Variants in SMARCD3 observed in about 807,000 individuals in gnomAD.
SMARCD3 encodes the protein SWI/SNF related BAF chromatin remodeling complex subunit D3.
SMARCD3 carries 14 observed loss-of-function variants against 58.0 expected under a neutral mutation model. The observed-to-expected ratio is 0.24, with a 90% CI of 0.16 to 0.38. SMARCD3 has a LOEUF of 0.38. SMARCD3 is among the 10% of genes least tolerant of loss of function. SMARCD3 has a pLI of 1.00. For missense variants in SMARCD3, 408 were observed against 636.9 expected, an observed-to-expected ratio of 0.64 and a Z score of 3.87; for synonymous variants, 253 against 253.8, an observed-to-expected ratio of 1.00 and a Z score of 0.03.
chr7:151,248,408 C>T lies in SMARCD3; in HGVS notation c.78+77G>A. On this transcript the variant is annotated intron_variant, in intron 1 of 12. Transcript: ENST00000262188. The surrounding 1 kb of genome is among the most constrained non-coding windows in gnomAD (Gnocchi z 6.1). ...GGGGTGGGAGAGCGGGAGCGCCCTCCCGGCCCCTCCCGATCAGCCCTCCAT... is the reference window on the plus strand; with the variant it reads ...GGGGTGGGAGAGCGGGAGCGCCCTCTCGGCCCCTCCCGATCAGCCCTCCAT... 3 of 1,289,366 alleles carry T rather than the reference C, an allele frequency of 2.3e-6. No individual in the cohort carries two copies. The highest frequency in any genetic ancestry group is 3.3e-6 in the Non-Finnish European group (3 of 896,808). The allele number at this position is 1,289,366 out of a possible 1,614,324, so 79.9% of individuals were successfully genotyped here. A position where few individuals can be genotyped will look rare whatever the true frequency, so the allele number is the denominator to read the frequency against.
rs2150593222 is a variant in SMARCD3 at position 151,243,584 on chromosome 7, C to T, written c.333+75G>A. Reference sequence around the variant, plus strand: ...AAGTGACTGTGATGCTGAAGCTCTGCTTCTGAGGGGGGAGGGGAGGGCGGA... The same window carrying T: ...AAGTGACTGTGATGCTGAAGCTCTGTTTCTGAGGGGGGAGGGGAGGGCGGA... On this transcript the variant is annotated intron_variant, in intron 3 of 12. Coordinates refer to ENST00000262188, the MANE Select transcript of SMARCD3 (RefSeq NM_001003801.2). The surrounding 1 kb of genome is among the most constrained non-coding windows in gnomAD (Gnocchi z 4.4). 1.2e-6 allele frequency: 1 copy of T among 835,066 alleles called. No homozygotes were observed. The highest frequency in any genetic ancestry group is 2.5e-5 in the East Asian group (1 of 40,512). 51.7% of individuals were successfully genotyped at this position (835,066 alleles called of 1,614,324 possible).
chr7:151,244,906 G>A (rs1224356972), intron 2 of SMARCD3, among the ~76,000 whole-genome samples: 2 of 152,124 alleles, frequency 1.3e-5, no homozygotes, highest in African/African-American at 2.4e-5. Context: ...GGTGGCTTGA[G>A]AGCAGACCTG....
Position 151,242,872 on chromosome 7 carries a change from A to G in SMARCD3, c.334-29T>C. On this transcript the variant is annotated intron_variant, in intron 3 of 12. Transcript: ENST00000262188. The surrounding 1 kb of genome is among the most constrained non-coding windows in gnomAD (Gnocchi z 4.7). ...GAGAAGGAGGAGCAGGGCAGGAGTC[A>G]GAGGCTCAAGTCCAGGGTTGTACCA... 1.2e-6 allele frequency: 2 copies of G among 1,613,228 alleles called. No individual in the cohort carries two copies. Among genetic ancestry groups the G allele is most frequent in the African/African-American group, 1.3e-5 (1 of 75,028 alleles).
chr7:151,239,272 G>T lies in SMARCD3; in HGVS notation c.1399-116C>A, dbSNP rs1340259607. ...GCATCTGGGAGCAGGGAGGGCCATT[G>T]CATGGTGAGGCAGCGTGGTGAAGCT... On this transcript the variant is annotated intron_variant, in intron 12 of 12. Transcript: ENST00000262188. The surrounding 1 kb of genome is among the most constrained non-coding windows in gnomAD (Gnocchi z 7.0). 2 of 1,323,704 alleles carry T rather than the reference G, an allele frequency of 1.5e-6. No homozygotes were observed. Among genetic ancestry groups the T allele is most frequent in the East Asian group, 2.3e-5 (1 of 43,286 alleles). The allele number at this position is 1,323,704 out of a possible 1,614,324, so 82.0% of individuals were successfully genotyped here. A position where few individuals can be genotyped will look rare whatever the true frequency, so the allele number is the denominator to read the frequency against.
intron 2 of SMARCD3, among the ~76,000 whole-genome samples, chr7:151,244,813 G>A (rs1234591024): frequency 1.3e-5 from 2 of 152,198 alleles, no homozygotes; most frequent in East Asian, 3.8e-4. Flanking sequence ...AAACCCGGAG[G>A]GGCACTGCTG....
At chr7:151,259,556 C>T (rs189476143) in intron 2 of SMARCD3, among the ~76,000 whole-genome samples, 150 of 146,842 alleles carry the variant, frequency 1.0e-3, no homozygotes, top group Middle Eastern at 3.5e-3. Flanking sequence ...CGTTCAGGAT[C>T]TTCAGCACGG....
At chr7:151,253,615 G>A (rs932007973), upstream of SMARCD3, among the ~76,000 whole-genome samples, 10 of 82 alleles carry the variant, frequency 0.12, no homozygotes, top group Admixed American at 0.44. Flanking sequence ...TGAGCATCCC[G>A]CTGGCCACAG....
intron 2 of SMARCD3, among the ~76,000 whole-genome samples, chr7:151,274,173 A>G (rs1400155803): frequency 6.6e-6 from 1 of 152,158 alleles, no homozygotes; most frequent in Non-Finnish European, 1.5e-5. Context: ...GGCCCTGAGG[A>G]CAGGGACTGG....
chr7:151,245,613 G>T lies in SMARCD3; in HGVS notation c.137C>A (p.Pro46Gln). 1 of 1,172,602 alleles carries T rather than the reference G, an allele frequency of 8.5e-7. No individual in the cohort carries two copies. Among genetic ancestry groups the T allele is most frequent in the Non-Finnish European group, 1.1e-6 (1 of 934,592 alleles). The allele number at this position is 1,172,602 out of a possible 1,614,324, so 72.6% of individuals were successfully genotyped here. The change falls in exon 2 of 13, where the codon CCG (proline) becomes CAG (glutamine). Residue 46 changes from proline (P) to glutamine (Q), a missense_variant. Physicochemically the swap from Pro to Gln is moderately conservative, Grantham distance 76 (BLOSUM62 -1). Transcript: ENST00000262188. The surrounding 1 kb of genome is among the most constrained non-coding windows in gnomAD (Gnocchi z 6.2). ...MPHQGAPMGP[P>Q]GSPYMGSPAV... ...GGGGCTGCCCATGTACGGGGAGCCC[G>T]GGGGGCCCATGGGCGCCCCCTGGTG...
At chr7:151,265,552 C>T (rs897105822) in intron 2 of SMARCD3, among the ~76,000 whole-genome samples, 11 of 152,350 alleles carry the variant, frequency 7.2e-5, no homozygotes, top group African/African-American at 1.4e-4. Flanking sequence ...GCGGTCATCA[C>T]GAGACCTGCC....
In SMARCD3 at chr7:151,242,072, G is replaced by C. The variant is rs1803019049; in HGVS notation, c.675+65C>G. On this transcript the variant is annotated intron_variant, in intron 6 of 12. Transcript: ENST00000262188. The surrounding 1 kb of genome is among the most constrained non-coding windows in gnomAD (Gnocchi z 4.7). ...TGGTCCCTGACCCAAATCTGTGCTGGTTCTTCAGGGATTCTGGCCTGTGGG... is the reference window on the plus strand; with the variant it reads ...TGGTCCCTGACCCAAATCTGTGCTGCTTCTTCAGGGATTCTGGCCTGTGGG... The C allele has an allele frequency of 6.5e-6, 10 of 1,537,238 alleles. No individual in the cohort carries two copies. Among genetic ancestry groups the C allele is most frequent in the Non-Finnish European group, 9.0e-6 (10 of 1,110,320 alleles).
In SMARCD3 at chr7:151,242,642, G is replaced by A; in HGVS notation, c.457-39C>T. On this transcript the variant is annotated intron_variant, in intron 4 of 12. Transcript: ENST00000262188. The surrounding 1 kb of genome is among the most constrained non-coding windows in gnomAD (Gnocchi z 4.7). ...GTGCAGAACCGGGCGAATGCTGTGT[G>A]CTCCCACCCCGACCACCCTGCTTCC... is the stretch of plus-strand genomic sequence containing the variant. 5 of 1,612,104 alleles carry A rather than the reference G, an allele frequency of 3.1e-6. No individual in the cohort carries two copies. The highest frequency in any genetic ancestry group is 4.2e-6 in the Non-Finnish European group (5 of 1,178,290).
chr7:151,259,061 T>G (rs1241537758), intron 2 of SMARCD3, among the ~76,000 whole-genome samples: 1 of 151,968 alleles, frequency 6.6e-6, no homozygotes, highest in East Asian at 1.9e-4. Flanking sequence ...CATTAGAACG[T>G]AAGCTCCAGG....
chr7:151,272,458 C>A (rs989992062), intron 2 of SMARCD3, among the ~76,000 whole-genome samples: 5 of 152,160 alleles, frequency 3.3e-5, no homozygotes, highest in African/African-American at 1.2e-4. Context: ...TCTTCCTCTC[C>A]CTCCCTTATG....
chr7:151,258,595 A>G (rs1234109777), intron 2 of SMARCD3, among the ~76,000 whole-genome samples: 8 of 151,954 alleles, frequency 5.3e-5, no homozygotes, highest in Admixed American at 4.6e-4. Flanking sequence ...AAGAAAAAGA[A>G]AAAGGGAGTC....
At chr7:151,275,618 G>A (rs1300983969) in intron 1 of SMARCD3, among the ~76,000 whole-genome samples, 1 of 152,164 alleles carries the variant, frequency 6.6e-6, no homozygotes, top group African/African-American at 2.4e-5. Flanking sequence ...AGGCCAGAGG[G>A]CAGGTCAGGA....
chr7:151,240,955 TATC>T (rs1389890129), intron 8 of SMARCD3: 22 of 233,496 alleles, frequency 9.4e-5, no homozygotes, highest in Non-Finnish European at 1.6e-4. Context: ...GCCCAATAAA[TATC>T]AACTGCTATT....
chr7:151,272,218 G>C (rs1381165456), intron 2 of SMARCD3, among the ~76,000 whole-genome samples: 2 of 152,130 alleles, frequency 1.3e-5, no homozygotes, highest in Admixed American at 1.3e-4. Context: ...ATTTGAGCAA[G>C]TTGTTTGATT....
intron 2 of SMARCD3, among the ~76,000 whole-genome samples, chr7:151,268,167 T>C (rs891869864): frequency 2.6e-5 from 4 of 152,196 alleles, no homozygotes; most frequent in Non-Finnish European, 5.9e-5. Context: ...AGATAGGTTT[T>C]GCTCAGCCCT....
Sources: gnomAD v4.1 joint callset for allele counts (sites outside exome capture counted in the v4.1 genomes callset) on GRCh38, gnomAD v4.1.1 for gene constraint, Gnocchi (gnomAD v3.1) non-coding constraint, MANE v1.5 for transcripts, NCBI Gene and HGNC (gene_info 2026-07-23, HGNC 2026-07-21) for gene names.